Variants in DGCR2 observed in about 807,000 individuals in gnomAD.
The protein encoded by DGCR2 is DiGeorge syndrome critical region gene 2.
Under a neutral mutation model 51.6 loss-of-function variants are expected in DGCR2, and 24 were observed. The observed-to-expected ratio is 0.47, with a 90% CI of 0.34 to 0.65. The LOEUF (loss-of-function observed/expected upper bound fraction) is 0.65. DGCR2 is among the 30% of genes least tolerant of loss of function. The pLI is 0.01. For synonymous variants in DGCR2, 340 were observed against 315.4 expected, an observed-to-expected ratio of 1.08 and a Z score of -0.82; for missense variants, 765 against 772.1, an observed-to-expected ratio of 0.99 and a Z score of 0.11.
chr22:19,055,707 C>T (rs2082593376), intron 6 of DGCR2: 1 of 152,156 alleles, frequency 6.6e-6, no homozygotes, highest in South Asian at 2.1e-4. Context: ...ACATAACAGG[C>T]AAGAACAAGG....
intron 1 of DGCR2, among the ~76,000 whole-genome samples, chr22:19,099,101 G>A (rs949875058): frequency 6.6e-6 from 1 of 152,238 alleles, no homozygotes; most frequent in Non-Finnish European, 1.5e-5. Context: ...GGAAGCAACT[G>A]AAGATGTGGA....
chr22:19,096,882 T>TAAA (rs991223620), intron 1 of DGCR2, among the ~76,000 whole-genome samples: 1 of 107,194 alleles, frequency 9.3e-6, no homozygotes, highest in African/African-American at 4.1e-5. Flanking sequence ...TCCATTCTAT[T>TAAA]AAAAAAAAAA....
intron 2 of DGCR2, among the ~76,000 whole-genome samples, chr22:19,081,627 C>T (rs1392044273): frequency 6.6e-6 from 1 of 152,218 alleles, no homozygotes; most frequent in African/African-American, 2.4e-5. Flanking sequence ...ATTTTATCTG[C>T]TCCTTTACAC....
In DGCR2 at chr22:19,068,086, G is replaced by T; in HGVS notation, c.328+14C>A. ...ACTCCCCAGTGTCCCAGTCAGGGCA[G>T]GTCTGCAACTTACTGCTGAAGCGAA... On this transcript the variant is annotated intron_variant, in intron 3 of 9. Coordinates refer to ENST00000263196, the MANE Select transcript of DGCR2 (RefSeq NM_005137.3). 6.4e-7 allele frequency: 1 copy of T among 1,561,072 alleles called. No individual in the cohort carries two copies. Among genetic ancestry groups the T allele is most frequent in the Non-Finnish European group, 8.7e-7 (1 of 1,155,246 alleles).
chr22:19,112,258 G>C (rs1601311179), intron 1 of DGCR2, among the ~76,000 whole-genome samples: 1 of 137,790 alleles, frequency 7.3e-6, no homozygotes, highest in African/African-American at 2.7e-5. Context: ...AGGTGACACA[G>C]CAAGACTCCA....
intron 5 of DGCR2, chr22:19,061,745 A>G (rs537125118): frequency 6.6e-6 from 1 of 152,324 alleles, no homozygotes; most frequent in East Asian, 1.9e-4. Context: ...GAATCCATTT[A>G]ACTGGGCACA....
At chr22:19,048,387 C>T (rs1488878494) in intron 7 of DGCR2, 53 bp downstream of exon 7, 2 of 1,599,660 alleles carry the variant, frequency 1.3e-6, no homozygotes, top group Non-Finnish European at 1.7e-6. Context: ...GGACGCCCAG[C>T]CTCCAGCCCC....
chr22:19,063,493 C>G (rs987915443), intron 4 of DGCR2, among the ~76,000 whole-genome samples: 3 of 151,740 alleles, frequency 2.0e-5, no homozygotes, highest in Admixed American at 6.6e-5. Flanking sequence ...CACAGGCCAC[C>G]ACGCCCAGCT....
intron 1 of DGCR2, among the ~76,000 whole-genome samples, chr22:19,107,675 T>C (rs529251685): frequency 6.6e-6 from 1 of 152,296 alleles, no homozygotes; most frequent in South Asian, 2.1e-4. Flanking sequence ...AGCATACCTA[T>C]TCCATGAGTG....
chr22:19,056,035 CGTCG>C (rs1197467906), intron 6 of DGCR2: 2 of 153,252 alleles, frequency 1.3e-5, no homozygotes, highest in Non-Finnish European at 2.9e-5. Flanking sequence ...AGGGGACCAC[CGTCG>C]GGTGGACACG....
chr22:19,117,020 T>C (rs1569093412), intron 1 of DGCR2, among the ~76,000 whole-genome samples: 1 of 151,814 alleles, frequency 6.6e-6, no homozygotes, highest in Admixed American at 6.6e-5. Flanking sequence ...CCTCCCACCA[T>C]GGCTAAGAGG....
At chr22:19,062,394 A>G (rs1033013461) in intron 5 of DGCR2, among the ~76,000 whole-genome samples, 1 of 152,204 alleles carries the variant, frequency 6.6e-6, no homozygotes, top group Admixed American at 6.5e-5. Flanking sequence ...CCGGCCACCC[A>G]GGCCTTGACC....
intron 2 of DGCR2, among the ~76,000 whole-genome samples, chr22:19,077,958 A>T (rs2082897298): frequency 6.6e-6 from 1 of 151,918 alleles, no homozygotes; most frequent in Admixed American, 6.6e-5. Flanking sequence ...CCTCCTGAGT[A>T]GCTGGGACTA....
chr22:19,043,233 T>C (rs1031723910), intron 7 of DGCR2, among the ~76,000 whole-genome samples: 5 of 152,212 alleles, frequency 3.3e-5, no homozygotes, highest in Admixed American at 6.5e-5. Context: ...GGGATGCTAC[T>C]AGTATTCAGC....
intron 1 of DGCR2, among the ~76,000 whole-genome samples, chr22:19,107,547 G>C (rs1391362491): frequency 6.6e-6 from 1 of 152,166 alleles, no homozygotes; most frequent in Non-Finnish European, 1.5e-5. Flanking sequence ...CTTCTCCTTA[G>C]GCAGATGTTT....
chr22:19,063,676 C>T (rs1381186365), intron 4 of DGCR2, among the ~76,000 whole-genome samples: 1 of 152,066 alleles, frequency 6.6e-6, no homozygotes, highest in Non-Finnish European at 1.5e-5. Flanking sequence ...ACATGAGACA[C>T]TCATGTTAGA....
chr22:19,068,017 G>A (rs1306910593), intron 3 of DGCR2, 83 bp downstream of exon 3: 18 of 1,431,902 alleles, frequency 1.3e-5, no homozygotes, highest in Middle Eastern at 2.6e-4. Flanking sequence ...AACCCCTCAC[G>A]CAGCACAGTA....
At chr22:19,074,092 G>T (rs189109457) in intron 2 of DGCR2, among the ~76,000 whole-genome samples, 1 of 152,100 alleles carries the variant, frequency 6.6e-6, no homozygotes, top group Non-Finnish European at 1.5e-5. Flanking sequence ...GAATCTACAG[G>T]ATTCACACCA....
At chr22:19,101,737 T>TAA (rs764584649) in intron 1 of DGCR2, among the ~76,000 whole-genome samples, 18,784 of 110,784 alleles carry the variant, frequency 0.17, 1,854 homozygotes, top group South Asian at 0.34. Flanking sequence ...GCAAAACTGT[T>TAA]AAAAAAAAAA....
Sources: allele counts gnomAD v4.1 joint callset (sites outside exome capture counted in the v4.1 genomes callset), GRCh38; gene constraint gnomAD v4.1.1; transcripts MANE v1.5; gene names NCBI Gene and HGNC (gene_info 2026-07-23, HGNC 2026-07-21).